ULK4: variants seen among roughly 807,000 people sequenced by gnomAD.
ULK4 encodes unc-51 like kinase 4, also known as inactive serine/threonine-protein kinase ULK4.
In ULK4, 133 loss-of-function variants were observed where a neutral mutation model predicts 160.6. That is an observed-to-expected ratio of 0.83 (90% CI 0.72 to 0.96). The LOEUF (loss-of-function observed/expected upper bound fraction) is 0.96. Among genes scored for constraint, ULK4 ranks in the 40% least tolerant of loss-of-function variants. ULK4 has a pLI of 0.00. For synonymous variants in ULK4, 534 were observed against 539.8 expected, an observed-to-expected ratio of 0.99 and a Z score of 0.15; for missense variants, 1,580 against 1,499.5, an observed-to-expected ratio of 1.05 and a Z score of -0.89.
chr3:41,402,094 T>C (rs1254435493), intron 34 of ULK4, among the ~76,000 whole-genome samples: 1 of 152,224 alleles, frequency 6.6e-6, no homozygotes, highest in African/African-American at 2.4e-5. Context: ...CTGGAATCTA[T>C]TAATTGTTAG....
chr3:41,795,117 T>G (rs577600701), intron 20 of ULK4, among the ~76,000 whole-genome samples: 2 of 152,308 alleles, frequency 1.3e-5, no homozygotes, highest in East Asian at 3.9e-4. Flanking sequence ...AAAAAGGAGA[T>G]TCAGCTCTGT....
At chr3:41,935,747 G>A in intron 4 of ULK4, 54 bp downstream of exon 4, 2 of 1,528,846 alleles carry the variant, frequency 1.3e-6, no homozygotes, top group South Asian at 1.2e-5. Flanking sequence ...CTTTGAGAAA[G>A]CACTCTAATT....
chr3:41,917,401 G>T (rs780058194), intron 7 of ULK4, among the ~76,000 whole-genome samples: 54 of 152,210 alleles, frequency 3.5e-4, no homozygotes, highest in Non-Finnish European at 7.5e-4. Flanking sequence ...CTACTTGGGA[G>T]GTTGACTGCA....
intron 21 of ULK4, among the ~76,000 whole-genome samples, chr3:41,771,371 G>C (rs1232159692): frequency 6.6e-6 from 1 of 152,138 alleles, no homozygotes; most frequent in Non-Finnish European, 1.5e-5. Flanking sequence ...CATTGTCACA[G>C]TGTTTTTGTA....
chr3:41,358,995 C>G (rs979222793), intron 35 of ULK4, among the ~76,000 whole-genome samples: 3 of 152,200 alleles, frequency 2.0e-5, no homozygotes, highest in South Asian at 4.2e-4. Context: ...GTAGGGCCAA[C>G]AAAATGGGTT....
At chr3:41,420,536 G>A (rs2082640853) in intron 34 of ULK4, among the ~76,000 whole-genome samples, 1 of 121,484 alleles carries the variant, frequency 8.2e-6, no homozygotes, top group Non-Finnish European at 1.6e-5. Flanking sequence ...AGGCTGGAGT[G>A]CAGTGGTGCA....
rs563543377 is a variant in ULK4 at position 41,431,547 on chromosome 3, C to CCTTTTTTTTTTT, written c.3492+23949_3492+23950insAAAAAAAAAAAG. Among the ~76,000 whole-genome samples the CCTTTTTTTTTTT allele has an allele frequency of 4.9e-4, 47 of 95,864 alleles. 4 individuals are homozygous for CCTTTTTTTTTTT. Among genetic ancestry groups the CCTTTTTTTTTTT allele is most frequent in the South Asian group, 7.6e-4 (2 of 2,644 alleles). 62.9% of individuals were successfully genotyped at this position (95,864 alleles called of 152,430 possible). The stretch of plus-strand genomic sequence containing the variant: ...CCTGTGAGGTGTTGTAATTCCCTCC[C>CCTTTTTTTTTTT]TTTTTTTTTTTTTTTGATGTGGAAA... On this transcript the variant is annotated intron_variant, in intron 34 of 36. Coordinates refer to ENST00000301831, the MANE Select transcript of ULK4 (RefSeq NM_017886.4).
At chr3:41,817,297 G>A (rs1009019088) in intron 19 of ULK4, among the ~76,000 whole-genome samples, 2 of 152,050 alleles carry the variant, frequency 1.3e-5, no homozygotes, top group Admixed American at 6.6e-5. Context: ...ATATTTCATG[G>A]TATATATATG....
chr3:41,305,081 G>T (rs905562868), intron 35 of ULK4, among the ~76,000 whole-genome samples: 1 of 152,190 alleles, frequency 6.6e-6, no homozygotes, highest in Non-Finnish European at 1.5e-5. Flanking sequence ...TTAAATGGTG[G>T]AGAGAAAAGA....
chr3:41,688,976 A>C (rs1297716970), intron 27 of ULK4, among the ~76,000 whole-genome samples: 1 of 152,208 alleles, frequency 6.6e-6, no homozygotes, highest in African/African-American at 2.4e-5. Flanking sequence ...GATTTAGTCA[A>C]CAACTGTCAG....
intron 34 of ULK4, among the ~76,000 whole-genome samples, chr3:41,418,053 C>T (rs1403498842): frequency 6.6e-6 from 1 of 152,108 alleles, no homozygotes; most frequent in Non-Finnish European, 1.5e-5. Flanking sequence ...TAACCCTTAC[C>T]TTCCTAGCTA....
intron 22 of ULK4, among the ~76,000 whole-genome samples, chr3:41,727,508 G>A (rs935998902): frequency 1.3e-5 from 2 of 152,190 alleles, no homozygotes; most frequent in South Asian, 2.1e-4. Context: ...AGACCAGAAG[G>A]GGTAAAGCAA....
chr3:41,903,226 G>A lies in ULK4; in HGVS notation c.1183-2397C>T, dbSNP rs186602508. 3.4e-4 allele frequency among the ~76,000 whole-genome samples: 52 copies of A among 152,250 alleles called. No homozygotes were observed. In the East Asian group the frequency reaches 6.6e-3, roughly 19 times the overall value. On this transcript the variant is annotated intron_variant, in intron 12 of 36. Transcript: ENST00000301831. ...AAAGAGGTGGCCAAATTATCTTTAC[G>A]TATAGATAATATAACTGAACATCCA...
intron 32 of ULK4, among the ~76,000 whole-genome samples, chr3:41,540,161 C>A (rs1251784603): frequency 6.6e-6 from 1 of 152,044 alleles, no homozygotes; most frequent in Non-Finnish European, 1.5e-5. Flanking sequence ...CTGCACCCAT[C>A]AACCCGTCAT....
chr3:41,562,224 G>A (rs1388321156), intron 32 of ULK4, among the ~76,000 whole-genome samples: 1 of 152,206 alleles, frequency 6.6e-6, no homozygotes, highest in Non-Finnish European at 1.5e-5. Flanking sequence ...TGGTCTGAGA[G>A]ACAGTTTACT....
intron 32 of ULK4, among the ~76,000 whole-genome samples, chr3:41,466,560 G>A (rs187628633): frequency 6.6e-6 from 1 of 152,186 alleles, no homozygotes; most frequent in East Asian, 1.9e-4. Flanking sequence ...AATTAAAAAG[G>A]TTCTAGGAGA....
chr3:41,775,472 C>G (rs1453452491), intron 21 of ULK4, among the ~76,000 whole-genome samples: 1 of 148,932 alleles, frequency 6.7e-6, no homozygotes, highest in Non-Finnish European at 1.5e-5. Context: ...AATCTGGGCT[C>G]ACTGCAACCT....
intron 30 of ULK4, among the ~76,000 whole-genome samples, chr3:41,643,108 T>A (rs1254592603): frequency 6.6e-6 from 1 of 152,144 alleles, no homozygotes; most frequent in Non-Finnish European, 1.5e-5. Context: ...GTCAGATGAG[T>A]AGGTTGTGAA....
At chr3:41,757,746 G>C (rs573161938) in intron 21 of ULK4, among the ~76,000 whole-genome samples, 1 of 149,772 alleles carries the variant, frequency 6.7e-6, no homozygotes, top group Admixed American at 6.7e-5. Flanking sequence ...TGATTCTCCT[G>C]CCTCAGCCTC....
Sources: gnomAD v4.1 joint callset for allele counts (sites outside exome capture counted in the v4.1 genomes callset) on GRCh38, gnomAD v4.1.1 for gene constraint, MANE v1.5 for transcripts, NCBI Gene and HGNC (gene_info 2026-07-23, HGNC 2026-07-21) for gene names.